The following CLOCK variants were observed in gnomAD, a reference collection of about 807,000 sequenced individuals.
The protein encoded by CLOCK is circadian locomoter output cycles protein kaput.
CLOCK carries 43 observed loss-of-function variants against 118.4 expected under a neutral mutation model. That is an observed-to-expected ratio of 0.36 (90% CI 0.28 to 0.47). The LOEUF (loss-of-function observed/expected upper bound fraction) is 0.47. CLOCK is among the 20% of genes least tolerant of loss of function. The pLI is 1.00. For missense variants in CLOCK, 846 were observed against 999.9 expected (o/e 0.85, Z 2.08); for synonymous variants, 326 against 339.2 (o/e 0.96, Z 0.43).
chr4:55,444,624 A>C lies in CLOCK; in HGVS notation c.1692+9T>G. On this transcript the variant is annotated intron_variant, in intron 19 of 22. Coordinates refer to ENST00000513440, the MANE Select transcript of CLOCK (RefSeq NM_004898.4). ...GGATGCTTTGTTTGTATTCAAATAT[A>C]ACAATTACCTGCAGCCCCTGACCAT... 1 of 1,614,058 alleles carries C rather than the reference A, an allele frequency of 6.2e-7. No homozygotes were observed. The highest frequency in any genetic ancestry group is 8.5e-7 in the Non-Finnish European group (1 of 1,179,980).
rs1016190196 is a variant in CLOCK at position 55,428,399 on chromosome 4, A to G, written c.*7016T>C. ...TACAATATTGTATTTCCAAACATAC[A>G]TAGGTCATGAAAATCAGAGAACCTA... On this transcript the variant is annotated 3_prime_UTR_variant, in exon 23 of 23. Transcript: ENST00000513440. The G allele has an allele frequency of 1.3e-5, 2 of 152,238 alleles. No homozygotes were observed. Among genetic ancestry groups the G allele is most frequent in the South Asian group, 2.1e-4 (1 of 4,836 alleles). 9.4% of individuals were successfully genotyped at this position (152,238 alleles called of 1,614,324 possible).
chr4:55,461,859 C>G (rs896172605), intron 9 of CLOCK, among the ~76,000 whole-genome samples: 3 of 152,188 alleles, frequency 2.0e-5, no homozygotes, highest in African/African-American at 7.2e-5. Flanking sequence ...CACTGGCTCT[C>G]TACTCTGTAA....
chr4:55,505,205 C>A (rs186976307), intron 2 of CLOCK, among the ~76,000 whole-genome samples: 2 of 147,742 alleles, frequency 1.4e-5, no homozygotes, highest in East Asian at 4.0e-4. Context: ...TACTTGTGAT[C>A]ACATAATGAT....
At chr4:55,525,302 T>C (rs1487057506) in intron 1 of CLOCK, among the ~76,000 whole-genome samples, 4 of 152,062 alleles carry the variant, frequency 2.6e-5, no homozygotes, top group African/African-American at 9.7e-5. Context: ...CCCTGTTCTT[T>C]AGAAAAAATT....
At chr4:55,508,484 T>A (rs2110016958) in intron 2 of CLOCK, among the ~76,000 whole-genome samples, 1 of 152,304 alleles carries the variant, frequency 6.6e-6, no homozygotes, top group East Asian at 1.9e-4. Context: ...CTCTCTCTAA[T>A]TTCCCCCCAA....
chr4:55,515,297 CAATTTTATT>C (rs113036873), intron 1 of CLOCK, among the ~76,000 whole-genome samples: 3 of 152,230 alleles, frequency 2.0e-5, no homozygotes, highest in African/African-American at 7.2e-5. Flanking sequence ...GGAAGCACAT[CAATTTTATT>C]AATCTCTTCA....
chr4:55,532,573 C>T (rs1022218616), intron 1 of CLOCK, among the ~76,000 whole-genome samples: 2 of 151,868 alleles, frequency 1.3e-5, no homozygotes, highest in African/African-American at 2.4e-5. Context: ...ACTATAGTAT[C>T]AAAAGAGGAA....
At chr4:55,453,311 T>TA in intron 14 of CLOCK, 182 bp from the exon 15 acceptor site, 1 of 588,680 alleles carries the variant, frequency 1.7e-6, no homozygotes, top group Non-Finnish European at 3.0e-6. Context: ...CTAGGTATCT[T>TA]AAAGTTTCAT....
chr4:55,501,286 T>C (rs1159539954), intron 2 of CLOCK, among the ~76,000 whole-genome samples: 1 of 152,260 alleles, frequency 6.6e-6, no homozygotes, highest in Admixed American at 6.5e-5. Context: ...TTACCAATTA[T>C]TTTCAGAATA....
rs10529254 is a variant in CLOCK at position 55,456,077 on chromosome 4, TGG to T, written c.876-76_876-75del. The T allele has an allele frequency of 1.9e-4, 182 of 978,492 alleles. 2 individuals carry two copies. The highest frequency in any genetic ancestry group is 1.8e-3 in the East Asian group (68 of 37,730). 60.6% of individuals were successfully genotyped at this position (978,492 alleles called of 1,614,324 possible). A position where few individuals can be genotyped will look rare whatever the true frequency, so the allele number is the denominator to read the frequency against. The stretch of plus-strand genomic sequence containing the variant: ...AAATATTTCAACTAGAAATAAACTT[TGG>T]GGGGGGGGCTTTATTTTTCAAAAAA... On this transcript the variant is annotated intron_variant, in intron 12 of 22. Coordinates refer to ENST00000513440, the MANE Select transcript of CLOCK (RefSeq NM_004898.4).
At chr4:55,526,028 G>A (rs966112695) in intron 1 of CLOCK, among the ~76,000 whole-genome samples, 2 of 152,104 alleles carry the variant, frequency 1.3e-5, no homozygotes, top group Admixed American at 6.6e-5. Context: ...GACACTCAAA[G>A]GAGCATTTCA....
chr4:55,504,571 A>T (rs1728674971), intron 2 of CLOCK, among the ~76,000 whole-genome samples: 1 of 152,122 alleles, frequency 6.6e-6, no homozygotes, highest in African/African-American at 2.4e-5. Flanking sequence ...TTTTAAACAA[A>T]GTATTTTTAT....
chr4:55,498,129 T>C (rs1312047510), intron 2 of CLOCK, among the ~76,000 whole-genome samples: 1 of 152,220 alleles, frequency 6.6e-6, no homozygotes. Flanking sequence ...ACAACTAATA[T>C]GTATAAATAT....
At chr4:55,526,324 C>G (rs1161520666) in intron 1 of CLOCK, among the ~76,000 whole-genome samples, 2 of 152,010 alleles carry the variant, frequency 1.3e-5, no homozygotes, top group Admixed American at 1.3e-4. Flanking sequence ...TCCTAAAAAC[C>G]CCATCAGGAG....
intron 1 of CLOCK, among the ~76,000 whole-genome samples, chr4:55,516,036 A>G (rs1176559715): frequency 6.6e-6 from 1 of 152,142 alleles, no homozygotes; most frequent in African/African-American, 2.4e-5. Context: ...ACTGATTTCT[A>G]CTTTAATTAT....
At chr4:55,480,746 C>A (rs1420969049) in intron 4 of CLOCK, among the ~76,000 whole-genome samples, 1 of 151,922 alleles carries the variant, frequency 6.6e-6, no homozygotes, top group Non-Finnish European at 1.5e-5. Context: ...AAAAACTTAG[C>A]CGGGCGTGGT....
intron 1 of CLOCK, among the ~76,000 whole-genome samples, chr4:55,533,231 A>G (rs1018333507): frequency 2.6e-5 from 4 of 152,138 alleles, no homozygotes; most frequent in Non-Finnish European, 5.9e-5. Flanking sequence ...AAAACACACT[A>G]CAAAGCAACA....
At chr4:55,522,641 T>C (rs1286717484) in intron 1 of CLOCK, among the ~76,000 whole-genome samples, 1 of 152,198 alleles carries the variant, frequency 6.6e-6, no homozygotes, top group Non-Finnish European at 1.5e-5. Context: ...AACAGCCATA[T>C]ATTCTTAACC....
intron 2 of CLOCK, among the ~76,000 whole-genome samples, chr4:55,504,340 T>A (rs1728661127): frequency 6.6e-6 from 1 of 151,046 alleles, no homozygotes; most frequent in Non-Finnish European, 1.5e-5. Flanking sequence ...AAGCTTAGTT[T>A]TAGCTGGAAT....
Sources: gnomAD v4.1 joint callset for allele counts (sites outside exome capture counted in the v4.1 genomes callset) on GRCh38, gnomAD v4.1.1 for gene constraint, MANE v1.5 for transcripts, NCBI Gene and HGNC (gene_info 2026-07-23, HGNC 2026-07-21) for gene names.